The following RBFOX1 variants were observed in gnomAD, a reference collection of about 807,000 sequenced individuals.
RBFOX1 encodes the protein RNA binding fox-1 homolog 1.
A neutral mutation model predicts 57.7 loss-of-function variants in RBFOX1; 8 were observed. The observed-to-expected ratio is 0.14, with a 90% confidence interval of 0.08 to 0.25. The LOEUF (loss-of-function observed/expected upper bound fraction) is 0.25, where lower values mean the gene tolerates loss of function less well. Among genes scored for constraint, RBFOX1 ranks in the 10% least tolerant of loss-of-function variants. The pLI, the probability that RBFOX1 is intolerant of heterozygous loss-of-function variation, is 1.00. For synonymous variants in RBFOX1, 326 were observed against 222.4 expected (o/e 1.47, Z -4.15); for missense variants, 611 against 548.5 (o/e 1.11, Z -1.14).
chr16:7,619,117 A>G lies in RBFOX1; in HGVS notation c.677-11486A>G, dbSNP rs982237346. 2.0e-5 allele frequency among the ~76,000 whole-genome samples: 3 copies of G among 152,346 alleles called. No homozygotes were observed. The South Asian group carries it at 6.2e-4, about 32-fold the overall frequency. On this transcript the variant is annotated intron_variant, in intron 10 of 15. Transcript: ENST00000550418. ...GATTAAATTAGTTAATGGGTTATAC[A>G]TTTAAATCTGATGCAAAGGTTAATC...
chr16:7,364,762 T>C (rs964979338), intron 4 of RBFOX1, among the ~76,000 whole-genome samples: 27 of 152,306 alleles, frequency 1.8e-4, no homozygotes, highest in African/African-American at 6.0e-4. Context: ...AGTTGTGTTC[T>C]CTCTCTAAGG....
chr16:6,671,918 TA>T (rs745847229), intron 3 of RBFOX1, among the ~76,000 whole-genome samples: 4 of 152,240 alleles, frequency 2.6e-5, no homozygotes, highest in Non-Finnish European at 5.9e-5. Flanking sequence ...AAGTTGCCTT[TA>T]AAAACTGTTG....
chr16:6,261,499 C>T (rs2097701219), intron 1 of RBFOX1, among the ~76,000 whole-genome samples: 1 of 152,158 alleles, frequency 6.6e-6, no homozygotes, highest in Non-Finnish European at 1.5e-5. Flanking sequence ...TATGACTGTA[C>T]AGCAGACAAA....
At chr16:7,390,647 G>A (rs923125721) in intron 4 of RBFOX1, among the ~76,000 whole-genome samples, 8 of 152,176 alleles carry the variant, frequency 5.3e-5, no homozygotes, top group African/African-American at 1.9e-4. Flanking sequence ...GTGAGGGATG[G>A]TGAATTTATA....
chr16:6,689,010 G>C (rs1180137208), intron 3 of RBFOX1, among the ~76,000 whole-genome samples: 2 of 152,182 alleles, frequency 1.3e-5, no homozygotes, highest in Non-Finnish European at 2.9e-5. Context: ...GTTTATATGT[G>C]CTGCATTTTC....
chr16:6,695,107 A>G (rs144403616), intron 3 of RBFOX1, among the ~76,000 whole-genome samples: 6 of 152,200 alleles, frequency 3.9e-5, no homozygotes, highest in Non-Finnish European at 7.4e-5. Flanking sequence ...CCCAGTGAAT[A>G]TTACTGTGTG....
At chr16:6,038,537 T>G (rs1567310451) in intron 1 of RBFOX1, 1 of 146,278 alleles carries the variant, frequency 6.8e-6, no homozygotes, top group Non-Finnish European at 1.5e-5. Flanking sequence ...TGGAGATATA[T>G]ATATATATAT....
At chr16:5,745,896 G>C (rs1321487794) in intron 3 of RBFOX1, among the ~76,000 whole-genome samples, 1 of 152,008 alleles carries the variant, frequency 6.6e-6, no homozygotes. Context: ...GTTGCCTATT[G>C]ACTCTGATGG....
intron 4 of RBFOX1, among the ~76,000 whole-genome samples, chr16:7,495,777 C>T (rs923104801): frequency 1.3e-5 from 2 of 152,164 alleles, no homozygotes; most frequent in African/African-American, 4.8e-5. Flanking sequence ...GTAACGGGTG[C>T]ACCAAAATCT....
intron 2 of RBFOX1, among the ~76,000 whole-genome samples, chr16:6,444,290 G>A (rs769621238): frequency 8.6e-5 from 13 of 152,004 alleles, no homozygotes; most frequent in African/African-American, 1.9e-4. Flanking sequence ...CATGGTGGAC[G>A]CCCAAGGGCT....
At position 5,934,446 on chromosome 16, in the gene RBFOX1, C is replaced by G. The variant is rs576096474; in HGVS notation, c.351+67111C>G. On this transcript the variant is annotated intron_variant, in intron 4 of 19. Transcript: ENST00000641259. ...TACTTTCTTTTAAAAACTGAGTCCA[C>G]TTAAAGAAATACATAAAGTATGAGG... Among the ~76,000 whole-genome samples, 7 of 152,136 alleles carry G rather than the reference C, an allele frequency of 4.6e-5. No individual in the cohort carries two copies. In the East Asian group the frequency reaches 5.8e-4, roughly 13 times the overall value.
intron 3 of RBFOX1, among the ~76,000 whole-genome samples, chr16:6,656,915 C>A (rs2098659028): frequency 6.8e-6 from 1 of 146,382 alleles, no homozygotes; most frequent in South Asian, 2.2e-4. Context: ...CTCCTCTCCT[C>A]CCCTCTCCTC....
intron 2 of RBFOX1, among the ~76,000 whole-genome samples, chr16:6,622,286 A>G (rs150858392): frequency 6.6e-6 from 1 of 152,214 alleles, no homozygotes; most frequent in African/African-American, 2.4e-5. Context: ...TGGTCCTATA[A>G]GATTATAATG....
chr16:5,959,873 TC>T (rs889812483), intron 4 of RBFOX1, among the ~76,000 whole-genome samples: 2 of 152,056 alleles, frequency 1.3e-5, no homozygotes, highest in African/African-American at 2.4e-5. Flanking sequence ...CCCCTCTCTC[TC>T]CCCATCCAGC....
chr16:7,192,282 T>C (rs2085592418), intron 4 of RBFOX1, among the ~76,000 whole-genome samples: 1 of 152,210 alleles, frequency 6.6e-6, no homozygotes, highest in Non-Finnish European at 1.5e-5. Flanking sequence ...GAGAGTTTCC[T>C]TGTGAATCTG....
At chr16:5,393,287 C>T (rs969287376) in intron 1 of RBFOX1, among the ~76,000 whole-genome samples, 2 of 152,176 alleles carry the variant, frequency 1.3e-5, no homozygotes, top group Non-Finnish European at 2.9e-5. Context: ...TCATTCATCA[C>T]ATGGATGATT....
At chr16:7,653,281 G>A (rs1481042820) in intron 11 of RBFOX1, among the ~76,000 whole-genome samples, 2 of 152,168 alleles carry the variant, frequency 1.3e-5, no homozygotes, top group African/African-American at 4.8e-5. Flanking sequence ...CAGGAGGACT[G>A]CTTGAACCCA....
chr16:7,000,434 A>G lies in RBFOX1; in HGVS notation c.-15-51623A>G, dbSNP rs139514293. ...GAGGTCACCGGGTCATTTTTATGCAACAGTCTCTACATAGTCTGGTTTTGC... is the reference window on the plus strand; with the variant it reads ...GAGGTCACCGGGTCATTTTTATGCAGCAGTCTCTACATAGTCTGGTTTTGC... On this transcript the variant is annotated intron_variant, in intron 3 of 15. Transcript: ENST00000550418. Among the ~76,000 whole-genome samples, 118 of 152,098 alleles carry G rather than the reference A, an allele frequency of 7.8e-4. 1 individual carries two copies. The Middle Eastern group carries it at 0.01, about 13-fold the overall frequency.
At chr16:7,164,785 C>G (rs1454137618) in intron 4 of RBFOX1, among the ~76,000 whole-genome samples, 1 of 152,208 alleles carries the variant, frequency 6.6e-6, no homozygotes, top group Non-Finnish European at 1.5e-5. Flanking sequence ...TTCTGATCAA[C>G]TAAGTTGTTC....
Sources: gnomAD v4.1 joint callset for allele counts (sites outside exome capture counted in the v4.1 genomes callset) on GRCh38, gnomAD v4.1.1 for gene constraint, MANE v1.5 for transcripts, NCBI Gene and HGNC (gene_info 2026-07-23, HGNC 2026-07-21) for gene names.